The following MAPK10 variants were observed in gnomAD, a reference collection of about 807,000 sequenced individuals.
MAPK10 encodes the protein JNK3 alpha protein kinase.
A neutral mutation model predicts 59.3 loss-of-function variants in MAPK10; 25 were observed. The observed-to-expected ratio is 0.42, with a 90% CI of 0.31 to 0.59. The LOEUF is 0.59. Among genes scored for constraint, MAPK10 ranks in the 20% least tolerant of loss-of-function variants. MAPK10 has a pLI of 0.15. For synonymous variants in MAPK10, 190 were observed against 200.5 expected (o/e 0.95, Z 0.44); for missense variants, 351 against 568.9 (o/e 0.62, Z 3.90).
intron 4 of MAPK10, among the ~76,000 whole-genome samples, chr4:86,155,426 C>T (rs532668013): frequency 5.3e-5 from 8 of 151,430 alleles, no homozygotes; most frequent in East Asian, 3.9e-4. Context: ...ACTAACCCAC[C>T]GGATTAATAT....
At chr4:86,263,619 G>A (rs2094109378) in intron 2 of MAPK10, among the ~76,000 whole-genome samples, 1 of 152,126 alleles carries the variant, frequency 6.6e-6, no homozygotes, top group Non-Finnish European at 1.5e-5. Flanking sequence ...ACATAAGCAG[G>A]ATATAGTTGA....
intron 11 of MAPK10, among the ~76,000 whole-genome samples, chr4:86,058,447 G>T (rs2045074136): frequency 6.7e-6 from 1 of 149,226 alleles, no homozygotes; most frequent in African/African-American, 2.5e-5. Context: ...TCAGCCAATA[G>T]GAGGGAGATA....
At chr4:86,037,155 A>T (rs1318155764) in intron 11 of MAPK10, among the ~76,000 whole-genome samples, 1 of 152,184 alleles carries the variant, frequency 6.6e-6, no homozygotes, top group Non-Finnish European at 1.5e-5. Context: ...TGGGCATTCT[A>T]TGGAGTTCTT....
chr4:86,230,157 A>T (rs2091335158), intron 2 of MAPK10, among the ~76,000 whole-genome samples: 1 of 152,222 alleles, frequency 6.6e-6, no homozygotes, highest in South Asian at 2.1e-4. Flanking sequence ...GTACTTCCCA[A>T]ACGTTTTTAT....
intron 9 of MAPK10, among the ~76,000 whole-genome samples, chr4:86,094,827 TA>T (rs201123575): frequency 4.0e-5 from 6 of 150,780 alleles, no homozygotes; most frequent in Admixed American, 4.0e-4. Context: ...TTGGACTACA[TA>T]AAAAAAAATA....
At chr4:86,451,301 T>TA (rs1270350468) in intron 1 of MAPK10, among the ~76,000 whole-genome samples, 1 of 152,192 alleles carries the variant, frequency 6.6e-6, no homozygotes, top group Non-Finnish European at 1.5e-5. Context: ...CGAACAGCCT[T>TA]ATATTAGCAG....
intron 1 of MAPK10, among the ~76,000 whole-genome samples, chr4:86,513,190 G>A (rs1263859184): frequency 6.6e-6 from 1 of 152,094 alleles, no homozygotes; most frequent in Admixed American, 6.5e-5. Context: ...TAGAACTACA[G>A]GCACATACCA....
Position 86,418,792 on chromosome 4 carries a change from T to C in MAPK10, c.-122+34238A>G, listed in dbSNP as rs565028203. ...GCCTAAATGCCCATCAGCCAACAAG[T>C]GGATAAAGAAAATGTAGTATACATT... is the stretch of plus-strand genomic sequence containing the variant. On this transcript the variant is annotated intron_variant, in intron 1 of 13. Coordinates refer to the MAPK10 transcript ENST00000361569. Among the ~76,000 whole-genome samples, 285 of 152,102 alleles carry C rather than the reference T, an allele frequency of 1.9e-3. 2 individuals are homozygous for C. Among genetic ancestry groups the C allele is most frequent in the Middle Eastern group, 6.8e-3 (2 of 294 alleles).
intron 2 of MAPK10, among the ~76,000 whole-genome samples, chr4:86,242,932 G>T (rs964393538): frequency 6.6e-6 from 1 of 152,206 alleles, no homozygotes; most frequent in Non-Finnish European, 1.5e-5. Flanking sequence ...GGGTTGGGAC[G>T]CTAGGCCCCG....
intron 4 of MAPK10, among the ~76,000 whole-genome samples, chr4:86,121,877 C>T (rs538630071): frequency 1.3e-5 from 2 of 152,104 alleles, no homozygotes; most frequent in South Asian, 2.1e-4. Flanking sequence ...CAGTCTCCCC[C>T]GCTTTTGGCC....
At chr4:86,331,884 GA>G (rs931437358) in intron 2 of MAPK10, among the ~76,000 whole-genome samples, 5 of 150,004 alleles carry the variant, frequency 3.3e-5, no homozygotes, top group Admixed American at 2.0e-4. Context: ...TGTTTAGAAG[GA>G]AAAAAAAAGC....
intron 4 of MAPK10, among the ~76,000 whole-genome samples, chr4:86,123,471 A>G (rs925927411): frequency 6.6e-6 from 1 of 152,052 alleles, no homozygotes; most frequent in Non-Finnish European, 1.5e-5. Flanking sequence ...GAGGAACTGC[A>G]TACTGTTTTC....
chr4:86,106,331 T>TTAC (rs1439270247), intron 5 of MAPK10, among the ~76,000 whole-genome samples: 3 of 151,984 alleles, frequency 2.0e-5, no homozygotes, highest in Admixed American at 6.6e-5. Flanking sequence ...AAGAACTTTG[T>TTAC]AGAGAGTTAT....
chr4:86,296,621 T>C (rs943246882), intron 2 of MAPK10, among the ~76,000 whole-genome samples: 6 of 152,320 alleles, frequency 3.9e-5, no homozygotes, highest in African/African-American at 1.4e-4. Context: ...AATATAATGT[T>C]CTTTGCCCTG....
At chr4:86,561,395 T>C (rs1324629485) in intron 1 of MAPK10, among the ~76,000 whole-genome samples, 2 of 152,350 alleles carry the variant, frequency 1.3e-5, no homozygotes, top group Admixed American at 1.3e-4. Flanking sequence ...TATAATGTGT[T>C]AATAGTCCAG....
intron 1 of MAPK10, among the ~76,000 whole-genome samples, chr4:86,404,070 T>G (rs575629595): frequency 6.6e-6 from 1 of 152,328 alleles, no homozygotes; most frequent in Admixed American, 6.5e-5. Flanking sequence ...AGGTCCAAAC[T>G]TGCAATTCTT....
intron 2 of MAPK10, among the ~76,000 whole-genome samples, chr4:86,246,498 T>A (rs1045095335): frequency 6.6e-6 from 1 of 152,132 alleles, no homozygotes; most frequent in Non-Finnish European, 1.5e-5. Flanking sequence ...ATAATGAACA[T>A]TTTTGTTGCT....
At chr4:86,229,386 A>C (rs910255746) in intron 2 of MAPK10, among the ~76,000 whole-genome samples, 1 of 152,220 alleles carries the variant, frequency 6.6e-6, no homozygotes, top group African/African-American at 2.4e-5. Context: ...GGGGTCATTA[A>C]GATGAATCTA....
chr4:86,369,213 G>A (rs1452943866), intron 1 of MAPK10, among the ~76,000 whole-genome samples: 3 of 152,146 alleles, frequency 2.0e-5, no homozygotes, highest in African/African-American at 7.2e-5. Context: ...GTGCTCAAAA[G>A]GCAGTCACTG....
Sources: allele counts gnomAD v4.1 joint callset (sites outside exome capture counted in the v4.1 genomes callset), GRCh38; gene constraint gnomAD v4.1.1; transcripts MANE v1.5; gene names NCBI Gene and HGNC (gene_info 2026-07-23, HGNC 2026-07-21).